PARVG: variants seen among roughly 807,000 people sequenced by gnomAD.
The protein encoded by PARVG is gamma-parvin.
A neutral mutation model predicts 44.4 loss-of-function variants in PARVG; 36 were observed. The ratio of observed to expected loss-of-function variants is 0.81; its 90% CI spans 0.62 to 1.07. The LOEUF (loss-of-function observed/expected upper bound fraction) is 1.07. Ranked by LOEUF, PARVG falls within the 50% of genes least tolerant of loss-of-function variation. PARVG has a pLI of 0.00. For missense variants in PARVG, 407 were observed against 407.4 expected (o/e 1.00, Z 0.01); for synonymous variants, 170 against 174.1 (o/e 0.98, Z 0.19).
At chr22:44,179,553 A>G (rs1276510751), upstream of PARVG, among the ~76,000 whole-genome samples, 1 of 152,198 alleles carries the variant, frequency 6.6e-6, no homozygotes, top group Non-Finnish European at 1.5e-5. This position sits in a 1 kb window ranked among gnomAD's most constrained non-coding sequence, Gnocchi z 4.2. Context: ...ACTCTGCCAA[A>G]GCCACAATTT....
chr22:44,189,211 G>T lies in PARVG; in HGVS notation c.345G>T (p.Arg115=), dbSNP rs2054516014. The T allele has an allele frequency of 6.2e-7, 1 of 1,614,138 alleles. No individual in the cohort carries two copies. The highest frequency in any genetic ancestry group is 1.7e-5 in the Admixed American group (1 of 60,012). The change falls in exon 6 of 14, where the codon CGG becomes CGT. Residue 115 remains arginine (R), a synonymous_variant. Transcript: ENST00000444313. Reference sequence around the variant, plus strand: ...CAGTGGTGCTGGAGGCCGTGAACCGGAGTCTGCAGCTGGAGGAGTGGCAGG... The same window carrying T: ...CAGTGGTGCTGGAGGCCGTGAACCGTAGTCTGCAGCTGGAGGAGTGGCAGG... ...KLTVVLEAVN[R]SLQLEEWQAK... is the part of the protein sequence containing the mutation.
intron 11 of PARVG, among the ~76,000 whole-genome samples, chr22:44,197,570 A>G (rs1601743912): frequency 6.6e-6 from 1 of 152,152 alleles, no homozygotes; most frequent in African/African-American, 2.4e-5. Flanking sequence ...TGGAAGTATC[A>G]CGCTCTGTAG....
At chr22:44,203,859 T>C (rs1467863175) in intron 12 of PARVG, among the ~76,000 whole-genome samples, 4 of 152,208 alleles carry the variant, frequency 2.6e-5, no homozygotes, top group Non-Finnish European at 5.9e-5. Flanking sequence ...TGGTGCCGTG[T>C]GATAGCCTTT....
Position 44,185,791 on chromosome 22 carries a change from AC to A in PARVG, c.80-14del. 6.2e-7 allele frequency: 1 copy of A among 1,610,882 alleles called. No homozygotes were observed. Among genetic ancestry groups the A allele is most frequent in the Non-Finnish European group, 8.5e-7 (1 of 1,177,770 alleles). On this transcript the variant is annotated splice_polypyrimidine_tract_variant and intron_variant, in intron 3 of 13. Transcript: ENST00000444313. Reference sequence around the variant, plus strand: ...CACAGGGTCCCCATGCGCTTGTCATACCCACTCTGCTTCCAGGAGGAAAGAA... The same window carrying A: ...CACAGGGTCCCCATGCGCTTGTCATACCACTCTGCTTCCAGGAGGAAAGAA...
Position 44,192,071 on chromosome 22 carries a change from C to CA in PARVG, c.528dup (p.Glu177ArgfsTer9). 6.2e-7 allele frequency: 1 copy of CA among 1,613,262 alleles called. No homozygotes were observed. The highest frequency in any genetic ancestry group is 8.5e-7 in the Non-Finnish European group (1 of 1,179,812). ...TAGAGCACCAAAAGTGGTCTGAAGT[C>CA]AGAGAAGTTGGTGGAACAGCTCACT... is the stretch of plus-strand genomic sequence containing the variant. On this transcript the variant is annotated frameshift_variant, in exon 8 of 14. Transcript: ENST00000444313. LOFTEE classifies it high-confidence loss of function.
At chr22:44,194,655 CATCCATCAACCT>C (rs1325131910) in intron 9 of PARVG, among the ~76,000 whole-genome samples, 17 of 151,674 alleles carry the variant, frequency 1.1e-4, no homozygotes, top group African/African-American at 4.1e-4. Flanking sequence ...TCCACCTATC[CATCCATCAACCT>C]ATCCATCCAT....
At chr22:44,203,687 C>G (rs1300333179) in intron 12 of PARVG, among the ~76,000 whole-genome samples, 1 of 152,182 alleles carries the variant, frequency 6.6e-6, no homozygotes, top group African/African-American at 2.4e-5. Flanking sequence ...AATTGCAACC[C>G]TAGTTTCCCA....
rs200543635 is a variant in PARVG at position 44,205,765 on chromosome 22, C to T, written c.822C>T (p.Asn274=). 82 of 1,613,636 alleles carry T rather than the reference C, an allele frequency of 5.1e-5. 1 individual carries two copies. In the Middle Eastern group the frequency reaches 8.3e-4, roughly 16 times the overall value. Residue 274 remains asparagine, a synonymous_variant, in exon 13 of 14, where the codon AAC becomes AAT. Transcript: ENST00000444313. ...TPNSPAEMLH[N]VTLALELLKD... ...GGGCCTTGTCATCATAGCTGCACAA[C>T]GTCACCCTGGCGCTGGAGCTGCTGA...
chr22:44,188,056 A>G (rs1036013483), intron 5 of PARVG, 178 bp downstream of exon 5: 11 of 666,236 alleles, frequency 1.7e-5, no homozygotes, highest in Admixed American at 1.5e-4. Context: ...TCCACAGCCC[A>G]TGAGTGAGGG....
At chr22:44,175,949 G>T (rs959837344), upstream of PARVG, among the ~76,000 whole-genome samples, 1 of 152,126 alleles carries the variant, frequency 6.6e-6, no homozygotes, top group African/African-American at 2.4e-5. Flanking sequence ...TGGTCACACC[G>T]GACAGCTTTT....
At chr22:44,205,629 C>A in intron 12 of PARVG, 128 bp from the exon 13 acceptor site, 1 of 1,091,910 alleles carries the variant, frequency 9.2e-7, no homozygotes, top group South Asian at 1.4e-5. Flanking sequence ...CAGGGATGCC[C>A]ACCTTGGATG....
At chr22:44,202,300 G>A (rs1183802979) in intron 12 of PARVG, among the ~76,000 whole-genome samples, 1 of 152,220 alleles carries the variant, frequency 6.6e-6, no homozygotes, top group Non-Finnish European at 1.5e-5. Flanking sequence ...GGGAAGGCAA[G>A]GCACTGAAAT....
chr22:44,203,201 G>A (rs2054732716), intron 12 of PARVG, among the ~76,000 whole-genome samples: 1 of 152,176 alleles, frequency 6.6e-6, no homozygotes, highest in Non-Finnish European at 1.5e-5. Context: ...AGGGCAGGAG[G>A]TCTGGTCTGT....
In PARVG at chr22:44,207,968, T is replaced by G. The variant is rs934691926; in HGVS notation, c.*1542T>G. The G allele has an allele frequency of 6.6e-6, 1 of 152,504 alleles. No homozygotes were observed. The highest frequency in any genetic ancestry group is 1.5e-5 in the Non-Finnish European group (1 of 68,310). 9.4% of individuals were successfully genotyped at this position (152,504 alleles called of 1,614,324 possible). On this transcript the variant is annotated 3_prime_UTR_variant, in exon 14 of 14. Transcript: ENST00000444313. ...CTGGAGCCCAGCTCCTTCCACCTGC[T>G]CAGGTGCCCCCTCCATTGCGATGCC...
intron 11 of PARVG, among the ~76,000 whole-genome samples, chr22:44,198,040 T>G (rs1486587855): frequency 6.6e-6 from 1 of 152,200 alleles, no homozygotes; most frequent in African/African-American, 2.4e-5. Context: ...CAGAAAAGAT[T>G]TCAGGCCCAA....
chr22:44,178,803 G>A (rs570157082), upstream of PARVG, among the ~76,000 whole-genome samples: 5 of 152,116 alleles, frequency 3.3e-5, no homozygotes, highest in Non-Finnish European at 7.3e-5. Context: ...AAATACAGCT[G>A]TAATAGACAT....
At chr22:44,205,227 G>A (rs1269784115) in intron 12 of PARVG, among the ~76,000 whole-genome samples, 1 of 152,194 alleles carries the variant, frequency 6.6e-6, no homozygotes, top group East Asian at 1.9e-4. Context: ...GACCTGGTTT[G>A]AGCGCTTTCT....
chr22:44,200,325 T>G (rs1035996351), intron 12 of PARVG, among the ~76,000 whole-genome samples: 1 of 152,202 alleles, frequency 6.6e-6, no homozygotes, highest in African/African-American at 2.4e-5. Flanking sequence ...CTTGTGCTCT[T>G]CGCCACCAGC....
rs1388476495 is a variant in PARVG at position 44,193,781 on chromosome 22, T to C, written c.561-20T>C. On this transcript the variant is annotated intron_variant, in intron 8 of 13. Transcript: ENST00000444313. ...GTTTTTTTTTTAACCATTTGTTTGC[T>C]TTTTCCACCCACTGCACAGCACAGA... 2 of 1,610,144 alleles carry C rather than the reference T, an allele frequency of 1.2e-6. No individual in the cohort carries two copies. The highest frequency in any genetic ancestry group is 1.1e-5 in the South Asian group (1 of 89,198).
Sources: gnomAD v4.1 joint callset for allele counts (sites outside exome capture counted in the v4.1 genomes callset) on GRCh38, gnomAD v4.1.1 for gene constraint, Gnocchi (gnomAD v3.1) non-coding constraint, MANE v1.5 for transcripts, NCBI Gene and HGNC (gene_info 2026-07-23, HGNC 2026-07-21) for gene names.